ATP6V0A4: variants seen among roughly 807,000 people sequenced by gnomAD.
ATP6V0A4 encodes ATPase H+ transporting V0 subunit a4, also known as V-type proton ATPase 116 kDa subunit a 4.
In ATP6V0A4, 86 loss-of-function variants were observed where a neutral mutation model predicts 107.3. The observed-to-expected ratio is 0.80, with a 90% CI of 0.67 to 0.96. The LOEUF (loss-of-function observed/expected upper bound fraction) is 0.96, where lower values mean the gene tolerates loss of function less well. ATP6V0A4 is among the 40% of genes least tolerant of loss of function. ATP6V0A4 has a pLI of 0.00. For missense variants in ATP6V0A4, 908 were observed against 1,045.6 expected, an observed-to-expected ratio of 0.87 and a Z score of 1.81; for synonymous variants, 353 against 381.4, an observed-to-expected ratio of 0.93 and a Z score of 0.87.
chr7:138,730,931 C>CTTCTTTTTT (rs1554392929), intron 17 of ATP6V0A4, among the ~76,000 whole-genome samples: 21 of 123,758 alleles, frequency 1.7e-4, no homozygotes, highest in Admixed American at 2.8e-4. Context: ...TCTTCTTCTT[C>CTTCTTTTTT]TTTTTTTATT....
rs1554396065 is a variant in ATP6V0A4 at position 138,745,962 on chromosome 7, A to AAATATATAT, written c.1321-683_1321-682insATATATATT. Among the ~76,000 whole-genome samples the AAATATATAT allele has an allele frequency of 1.5e-3, 96 of 65,638 alleles. 3 individuals carry two copies. The highest frequency in any genetic ancestry group is 6.2e-3 in the African/African-American group (92 of 14,932). 43.1% of individuals were successfully genotyped at this position (65,638 alleles called of 152,430 possible). ...CTGTCTCAAAAAAAAAAAAAAAAAA[A>AAATATATAT]ATATATATATATATATAAAATATAT... On this transcript the variant is annotated intron_variant, in intron 13 of 21. Coordinates refer to ENST00000310018, the MANE Select transcript of ATP6V0A4 (RefSeq NM_020632.3).
chr7:138,734,571 G>T (rs1805206901), intron 15 of ATP6V0A4, among the ~76,000 whole-genome samples: 1 of 152,056 alleles, frequency 6.6e-6, no homozygotes, highest in Admixed American at 6.6e-5. Flanking sequence ...GAGCTCAGGA[G>T]TTCGAGACCA....
In ATP6V0A4 at chr7:138,717,557, AAAAAG is replaced by A. The variant is rs200469536; in HGVS notation, c.2140-1681_2140-1677del. 8.7e-3 allele frequency among the ~76,000 whole-genome samples: 1,325 copies of A among 151,794 alleles called. 18 individuals carry two copies. The highest frequency in any genetic ancestry group is 0.028 in the African/African-American group (1,161 of 41,392). ...AGACTCTGTCTAAAAAAAGAAAAAG[AAAAAG>A]AAAAGAAAAGAAAGAGGCGCTCCCA... is the stretch of plus-strand genomic sequence containing the variant. On this transcript the variant is annotated intron_variant, in intron 19 of 21. Transcript: ENST00000310018.
chr7:138,723,067 A>AAG (rs1433240225), intron 18 of ATP6V0A4, among the ~76,000 whole-genome samples: 10 of 151,618 alleles, frequency 6.6e-5, no homozygotes, highest in South Asian at 2.1e-4. Flanking sequence ...AAAAAAAAAA[A>AAG]AAAAAGAAAA....
Position 138,782,757 on chromosome 7 carries a change from T to C in ATP6V0A4, c.-18+3401A>G, listed in dbSNP as rs188333048. ...CAGGATTCTGGGGACTCAGAGAAAGTCAGTGGCTGGTGAAGAAAAGATGGG... is the reference window on the plus strand; with the variant it reads ...CAGGATTCTGGGGACTCAGAGAAAGCCAGTGGCTGGTGAAGAAAAGATGGG... On this transcript the variant is annotated intron_variant, in intron 2 of 21. Coordinates refer to ENST00000310018, the MANE Select transcript of ATP6V0A4 (RefSeq NM_020632.3). Among the ~76,000 whole-genome samples, 947 of 152,156 alleles carry C rather than the reference T, an allele frequency of 6.2e-3. 5 individuals are homozygous for C. The highest frequency in any genetic ancestry group is 9.5e-3 in the Non-Finnish European group (645 of 68,008).
intron 2 of ATP6V0A4, among the ~76,000 whole-genome samples, chr7:138,783,408 T>G (rs1467993786): frequency 3.9e-5 from 6 of 151,942 alleles, no homozygotes; most frequent in African/African-American, 1.5e-4. Flanking sequence ...CTGTCTCTAT[T>G]TAAAAAAAAT....
chr7:138,762,678 A>G (rs1806884566), intron 6 of ATP6V0A4, among the ~76,000 whole-genome samples: 2 of 152,094 alleles, frequency 1.3e-5, no homozygotes, highest in African/African-American at 4.8e-5. Context: ...TGCCTGAGCC[A>G]TTTTCAGCAC....
intron 14 of ATP6V0A4, among the ~76,000 whole-genome samples, chr7:138,740,970 C>T (rs1805608935): frequency 1.3e-5 from 2 of 151,112 alleles, no homozygotes; most frequent in Admixed American, 1.3e-4. Context: ...ATGGTGAAAC[C>T]CCATCTCTAC....
chr7:138,751,171 C>T (rs1309212466), intron 11 of ATP6V0A4, among the ~76,000 whole-genome samples: 1 of 152,156 alleles, frequency 6.6e-6, no homozygotes, highest in Non-Finnish European at 1.5e-5. Flanking sequence ...TCACTCCTCC[C>T]ACCCCGTGAA....
Position 138,749,320 on chromosome 7 carries a change from G to C in ATP6V0A4, c.1030-3C>G, listed in dbSNP as rs76609898. 6.8e-7 allele frequency: 1 copy of C among 1,470,928 alleles called. No individual in the cohort carries two copies. Among genetic ancestry groups the C allele is most frequent in the Non-Finnish European group, 9.2e-7 (1 of 1,081,508 alleles). The allele number at this position is 1,470,928 out of a possible 1,614,324, so 91.1% of individuals were successfully genotyped here. A position where few individuals can be genotyped will look rare whatever the true frequency, so the allele number is the denominator to read the frequency against. ...GCCATGGAGGAGCCACTTAGTTCCT[G>C]GAAAAAAAAAAAAAAGCGACAAAGA... On this transcript the variant is annotated splice_polypyrimidine_tract_variant and splice_region_variant and intron_variant, in intron 11 of 21. Coordinates refer to ENST00000310018, the MANE Select transcript of ATP6V0A4 (RefSeq NM_020632.3).
intron 18 of ATP6V0A4, among the ~76,000 whole-genome samples, chr7:138,724,870 G>T (rs963246997): frequency 6.6e-6 from 1 of 152,134 alleles, no homozygotes. Flanking sequence ...CTTCCTTCCA[G>T]ATACTTACTT....
At chr7:138,732,798 A>G in intron 17 of ATP6V0A4, 79 bp downstream of exon 17, 3 of 1,410,964 alleles carry the variant, frequency 2.1e-6, no homozygotes, top group Non-Finnish European at 2.9e-6. Context: ...TTTCTCAAAA[A>G]AAAAAAAAGA....
chr7:138,792,802 C>T (rs1352851433), intron 1 of ATP6V0A4, among the ~76,000 whole-genome samples: 1 of 128,188 alleles, frequency 7.8e-6, no homozygotes, highest in East Asian at 2.4e-4. Context: ...TTTTTTGTAG[C>T]AACAGAGTTT....
chr7:138,765,242 T>G (rs1807026550), intron 5 of ATP6V0A4, among the ~76,000 whole-genome samples: 1 of 152,136 alleles, frequency 6.6e-6, no homozygotes, highest in Admixed American at 6.6e-5. Flanking sequence ...ATCATCCAGC[T>G]TCAGTTCCAC....
chr7:138,766,136 C>T (rs1157411640), intron 5 of ATP6V0A4, among the ~76,000 whole-genome samples: 1 of 152,064 alleles, frequency 6.6e-6, no homozygotes. Context: ...CATCTGATTG[C>T]CCCTTATCTA....
At chr7:138,736,091 A>AACAAACAG (rs111243203) in intron 15 of ATP6V0A4, among the ~76,000 whole-genome samples, 2,761 of 152,064 alleles carry the variant, frequency 0.018, 94 homozygotes, top group African/African-American at 0.064. Context: ...CAAACAAACA[A>AACAAACAG]AAATTAGCCC....
chr7:138,741,484 G>T (rs1805630909), intron 14 of ATP6V0A4, among the ~76,000 whole-genome samples: 1 of 152,174 alleles, frequency 6.6e-6, no homozygotes, highest in African/African-American at 2.4e-5. Context: ...CCATAGCTAA[G>T]CCATCGTGTC....
At chr7:138,728,686 T>G in intron 18 of ATP6V0A4, 75 bp downstream of exon 18, 1 of 1,600,868 alleles carries the variant, frequency 6.2e-7, no homozygotes, top group Non-Finnish European at 8.6e-7. Context: ...CGATTCTCTC[T>G]AAACCCAAGA....
intron 2 of ATP6V0A4, 136 bp from the exon 3 acceptor site, chr7:138,771,400 C>CA: frequency 1.1e-5 from 7 of 660,980 alleles, no homozygotes; most frequent in Non-Finnish European, 1.4e-5. Context: ...TTTTAGGAGA[C>CA]TTTTTTTTTT....
Sources: gnomAD v4.1 joint callset for allele counts (sites outside exome capture counted in the v4.1 genomes callset) on GRCh38, gnomAD v4.1.1 for gene constraint, MANE v1.5 for transcripts, NCBI Gene and HGNC (gene_info 2026-07-23, HGNC 2026-07-21) for gene names.